The following EYA2 variants were observed in gnomAD, a reference collection of about 807,000 sequenced individuals.
EYA2 encodes protein phosphatase EYA2.
A neutral mutation model predicts 69.2 loss-of-function variants in EYA2; 31 were observed. The observed-to-expected ratio is 0.45, with a 90% confidence interval of 0.34 to 0.60. The LOEUF (loss-of-function observed/expected upper bound fraction) is 0.60. Among genes scored for constraint, EYA2 ranks in the 20% least tolerant of loss-of-function variants. EYA2 has a pLI of 0.02. For missense variants in EYA2, 622 were observed against 701.2 expected (o/e 0.89, Z 1.28); for synonymous variants, 257 against 279.4 (o/e 0.92, Z 0.80).
At chr20:47,166,481 A>G (rs2034197898) in intron 10 of EYA2, among the ~76,000 whole-genome samples, 1 of 148,944 alleles carries the variant, frequency 6.7e-6, no homozygotes, top group Non-Finnish European at 1.5e-5. Context: ...AAAATGTTGC[A>G]AATACCCTTT....
At chr20:47,121,985 A>G (rs2033058256) in intron 9 of EYA2, among the ~76,000 whole-genome samples, 1 of 152,186 alleles carries the variant, frequency 6.6e-6, no homozygotes, top group South Asian at 2.1e-4. Flanking sequence ...GCCCTTAAAC[A>G]TATCCTTTTT....
intron 5 of EYA2, among the ~76,000 whole-genome samples, chr20:47,043,042 A>G (rs1193234771): frequency 6.6e-6 from 1 of 152,196 alleles, no homozygotes; most frequent in African/African-American, 2.4e-5. Flanking sequence ...GTAAATACTT[A>G]AAGAAGGAAA....
intron 10 of EYA2, among the ~76,000 whole-genome samples, chr20:47,162,168 G>A (rs1223602762): frequency 6.6e-6 from 1 of 152,126 alleles, no homozygotes; most frequent in East Asian, 1.9e-4. Context: ...CCTTTATAAG[G>A]ACACAGACAT....
chr20:47,121,075 TTTGTTGTTG>T (rs146530303), intron 9 of EYA2, among the ~76,000 whole-genome samples: 3,559 of 151,658 alleles, frequency 0.023, 132 homozygotes, highest in African/African-American at 0.079. Flanking sequence ...GGAATTCAAG[TTTGTTGTTG>T]TTGTTGTTGT....
intron 12 of EYA2, among the ~76,000 whole-genome samples, chr20:47,179,486 G>T (rs1029592469): frequency 3.9e-5 from 5 of 127,098 alleles, no homozygotes; most frequent in Non-Finnish European, 7.1e-5. Flanking sequence ...TGGATGGGTG[G>T]ATGGATGGAT....
At chr20:46,994,156 C>T (rs541795082) in intron 2 of EYA2, among the ~76,000 whole-genome samples, 1 of 152,228 alleles carries the variant, frequency 6.6e-6, no homozygotes, top group South Asian at 2.1e-4. Flanking sequence ...CCTTCACTTC[C>T]CCCTGCCTCA....
intron 1 of EYA2, among the ~76,000 whole-genome samples, chr20:46,956,263 A>G (rs530592301): frequency 2.0e-5 from 3 of 152,378 alleles, no homozygotes; most frequent in Admixed American, 6.5e-5. Flanking sequence ...TTCCAAAGCA[A>G]TGGGTATAAC....
chr20:46,908,537 A>G (rs1400968923), intron 1 of EYA2, among the ~76,000 whole-genome samples: 1 of 152,192 alleles, frequency 6.6e-6, no homozygotes, highest in Admixed American at 6.5e-5. Context: ...TCGTAATTTA[A>G]AAATGATTTT....
intron 1 of EYA2, among the ~76,000 whole-genome samples, chr20:46,927,938 G>A (rs1008031344): frequency 2.0e-5 from 3 of 152,128 alleles, no homozygotes; most frequent in Admixed American, 6.5e-5. Context: ...ACCGTGACCC[G>A]AATCAATAGA....
intron 1 of EYA2, among the ~76,000 whole-genome samples, chr20:46,913,738 C>T (rs1481414499): frequency 1.3e-5 from 2 of 152,064 alleles, no homozygotes; most frequent in African/African-American, 4.8e-5. Flanking sequence ...AAGGTGACTC[C>T]AAGGCCTCTG....
rs189972925 is a variant in EYA2 at position 47,064,133 on chromosome 20, T to A, written c.416-8052T>A. On this transcript the variant is annotated intron_variant, in intron 5 of 15. Transcript: ENST00000327619. ...ACCATGCCCGGTTAATTTTTTGTAT[T>A]TTTAGTAAAGATGGGATTTCAACAT... is the stretch of plus-strand genomic sequence containing the variant. Among the ~76,000 whole-genome samples the A allele has an allele frequency of 3.2e-3, 487 of 152,294 alleles. 1 individual carries two copies. The highest frequency in any genetic ancestry group is 5.2e-3 in the Non-Finnish European group (351 of 68,030).
intron 5 of EYA2, among the ~76,000 whole-genome samples, chr20:47,049,631 C>G (rs1363086822): frequency 6.6e-6 from 1 of 150,422 alleles, no homozygotes; most frequent in Non-Finnish European, 1.5e-5. Context: ...ACACCTGTTC[C>G]AGCTTCGCCT....
chr20:47,183,437 AC>A, intron 15 of EYA2, 46 bp downstream of exon 15: 2 of 1,581,068 alleles, frequency 1.3e-6, no homozygotes, highest in Admixed American at 1.7e-5. Flanking sequence ...TCTTTCGAGC[AC>A]CCCTCGTGGT....
chr20:47,003,736 A>AC (rs1982521135), intron 3 of EYA2, among the ~76,000 whole-genome samples: 1 of 152,154 alleles, frequency 6.6e-6, no homozygotes, highest in Non-Finnish European at 1.5e-5. Flanking sequence ...ACTGACCTTG[A>AC]CTTTATTTAT....
chr20:46,969,113 G>C (rs1039598018), intron 1 of EYA2, among the ~76,000 whole-genome samples: 3 of 152,186 alleles, frequency 2.0e-5, no homozygotes, highest in African/African-American at 7.2e-5. Flanking sequence ...CTTGATCCAA[G>C]GTGAAATCTA....
intron 5 of EYA2, among the ~76,000 whole-genome samples, chr20:47,036,256 G>A (rs561248139): frequency 6.6e-6 from 1 of 151,988 alleles, no homozygotes; most frequent in South Asian, 2.1e-4. Flanking sequence ...TGTGCAAAAT[G>A]TAACAGAGTG....
At chr20:46,942,918 A>T (rs572356735) in intron 1 of EYA2, among the ~76,000 whole-genome samples, 1 of 152,264 alleles carries the variant, frequency 6.6e-6, no homozygotes, top group Admixed American at 6.5e-5. Flanking sequence ...GACACGTGCT[A>T]CCACGTCTGG....
Position 47,074,254 on chromosome 20 carries a change from C to T in EYA2, c.580C>T (p.Pro194Ser), listed in dbSNP as rs1401120261. The T allele has an allele frequency of 5.0e-6, 8 of 1,614,044 alleles. No individual in the cohort carries two copies. The highest frequency in any genetic ancestry group is 2.7e-5 in the African/African-American group (2 of 74,924). ...PPYVPASSIC[P>S]SPLSTSTYVL... ...CTACGTCCCGGCCAGCAGCATCTGC[C>T]CTTCGCCCCTCTCCACGTCCACCTA... The change falls in exon 7 of 16, where the codon CCT (proline) becomes TCT (serine). Residue 194 changes from proline (P) to serine (S), a missense_variant. Physicochemically the swap from Pro to Ser is moderately conservative, Grantham distance 74 (BLOSUM62 -1). Transcript: ENST00000327619.
At chr20:47,143,529 G>A (rs368200476) in intron 10 of EYA2, among the ~76,000 whole-genome samples, 1 of 152,146 alleles carries the variant, frequency 6.6e-6, no homozygotes, top group African/African-American at 2.4e-5. Flanking sequence ...GTAATAATTA[G>A]CAGTGGCCCA....
Sources: allele counts gnomAD v4.1 joint callset (sites outside exome capture counted in the v4.1 genomes callset), GRCh38; gene constraint gnomAD v4.1.1; transcripts MANE v1.5; gene names NCBI Gene and HGNC (gene_info 2026-07-23, HGNC 2026-07-21).